The following MECOM variants were observed in gnomAD, a reference collection of about 807,000 sequenced individuals.
The protein encoded by MECOM is MDS1 and EVI1 complex locus.
A neutral mutation model predicts 116.3 loss-of-function variants in MECOM; 13 were observed. That is an observed-to-expected ratio of 0.11 (90% CI 0.07 to 0.18). The LOEUF (loss-of-function observed/expected upper bound fraction) is 0.18, where lower values mean the gene tolerates loss of function less well. Among genes scored for constraint, MECOM ranks in the 10% least tolerant of loss-of-function variants. MECOM has a pLI of 1.00. For missense variants in MECOM, 1,299 were observed against 1,509.0 expected, an observed-to-expected ratio of 0.86 and a Z score of 2.31; for synonymous variants, 528 against 535.2, an observed-to-expected ratio of 0.99 and a Z score of 0.19.
In MECOM at chr3:169,092,072, T is replaced by G. The variant is rs146190489; in HGVS notation, c.3164+886A>C. Among the ~76,000 whole-genome samples, 686 of 152,166 alleles carry G rather than the reference T, an allele frequency of 4.5e-3. 9 individuals are homozygous for G. Among genetic ancestry groups the G allele is most frequent in the African/African-American group, 0.016 (665 of 41,530 alleles). On this transcript the variant is annotated intron_variant, in intron 14 of 16. Transcript: ENST00000651503. ...AGATAAGAAAAATTAAATCCAGTAG[T>G]TTTGGTGAAATAGTGTTTCATTAAC...
chr3:169,374,329 A>G (rs1438687090), intron 2 of MECOM, among the ~76,000 whole-genome samples: 1 of 151,870 alleles, frequency 6.6e-6, no homozygotes, highest in Non-Finnish European at 1.5e-5. Flanking sequence ...ATAAATTTCT[A>G]TTGTTTAAGC....
At chr3:169,201,549 G>A (rs1314997169) in intron 2 of MECOM, among the ~76,000 whole-genome samples, 1 of 152,166 alleles carries the variant, frequency 6.6e-6, no homozygotes, top group Middle Eastern at 3.4e-3. Context: ...AAGGAAGAGG[G>A]TTCCAATCAA....
At chr3:169,564,671 G>C (rs1209176596) in intron 1 of MECOM, among the ~76,000 whole-genome samples, 2 of 152,176 alleles carry the variant, frequency 1.3e-5, no homozygotes, top group Non-Finnish European at 2.9e-5. Flanking sequence ...CAAGTTTCCT[G>C]TTTGAAATAT....
At position 169,116,735 on chromosome 3, in the gene MECOM, C is replaced by T. The variant is rs768096818; in HGVS notation, c.1137G>A (p.Glu379=). Residue 379 remains glutamate (E), a synonymous_variant, in exon 8 of 17, where the codon GAG becomes GAA. Transcript: ENST00000651503. ...ACTGAGTATAGGATTTATGGCAGAC[C>T]TCACCTGTGTGCAAACAACAAAAAA... ...IHSSVKPFIC[E]VCHKSYTQFS... The T allele has an allele frequency of 1.8e-5, 28 of 1,587,998 alleles. No individual in the cohort carries two copies. In the South Asian group the frequency reaches 3.1e-4, roughly 18 times the overall value.
At chr3:169,481,597 T>C (rs1751293435) in intron 1 of MECOM, among the ~76,000 whole-genome samples, 2 of 151,886 alleles carry the variant, frequency 1.3e-5, no homozygotes, top group Admixed American at 1.3e-4. Context: ...AACTAAAAAC[T>C]TTTCACAGTG....
At chr3:169,188,977 T>G (rs1460918520) in intron 2 of MECOM, among the ~76,000 whole-genome samples, 1 of 152,118 alleles carries the variant, frequency 6.6e-6, no homozygotes, top group African/African-American at 2.4e-5. Flanking sequence ...TATGTCACAT[T>G]TATATTTGCA....
chr3:169,108,432 TTTTTATTAG>T (rs1726178279), intron 9 of MECOM, among the ~76,000 whole-genome samples: 1 of 152,168 alleles, frequency 6.6e-6, no homozygotes, highest in African/African-American at 2.4e-5. Context: ...CACTACTTGA[TTTTTATTAG>T]CATAGGACTC....
chr3:169,482,115 A>C (rs879751446), intron 1 of MECOM, among the ~76,000 whole-genome samples: 1 of 152,116 alleles, frequency 6.6e-6, no homozygotes, highest in African/African-American at 2.4e-5. Flanking sequence ...CTGTGAAATA[A>C]CAGTTTCTTT....
At chr3:169,353,944 CAA>C (rs924546683) in intron 2 of MECOM, among the ~76,000 whole-genome samples, 4 of 151,916 alleles carry the variant, frequency 2.6e-5, no homozygotes, top group Non-Finnish European at 5.9e-5. Flanking sequence ...AGGCAAGTCT[CAA>C]GTTTCTTAAG....
chr3:169,211,883 A>T (rs1317416169), intron 2 of MECOM, among the ~76,000 whole-genome samples: 1 of 152,074 alleles, frequency 6.6e-6, no homozygotes, highest in Non-Finnish European at 1.5e-5. Flanking sequence ...TAGTTTCCTT[A>T]GTACGGAACT....
intron 5 of MECOM, among the ~76,000 whole-genome samples, chr3:169,124,845 T>C (rs767317935): frequency 1.4e-4 from 21 of 152,120 alleles, no homozygotes; most frequent in Non-Finnish European, 2.2e-4. Context: ...GAAAGCATTC[T>C]TTTATTTTCT....
intron 1 of MECOM, among the ~76,000 whole-genome samples, chr3:169,470,453 C>G (rs1186594035): frequency 2.0e-5 from 3 of 152,170 alleles, no homozygotes; most frequent in African/African-American, 7.2e-5. Context: ...CAACCAGATA[C>G]AAATTTATTC....
intron 1 of MECOM, among the ~76,000 whole-genome samples, chr3:169,383,981 T>A (rs1398711998): frequency 6.6e-6 from 1 of 152,198 alleles, no homozygotes; most frequent in Non-Finnish European, 1.5e-5. Flanking sequence ...CCGTCCCATT[T>A]AACACTAGTA....
rs1718820294 is a variant in MECOM, at chr3:169,089,130, T to G, written c.3455A>C (p.His1152Pro). The change falls in exon 16 of 17, where the codon CAC becomes CCC. Residue 1152 changes from histidine (H) to proline (P), a missense_variant. His to Pro is a moderately conservative substitution (Grantham distance 77, BLOSUM62 -2). Around this residue, in one of 6 missense-constraint regions of MECOM, gnomAD observed 273 missense variants for 289.3 expected, o/e 0.94. Coordinates refer to ENST00000651503, the MANE Select transcript of MECOM (RefSeq NM_004991.4). ...SGLSALDHIRHFTDSLKMRKM... is the reference protein window; with the variant it reads ...SGLSALDHIRPFTDSLKMRKM... ...CCTCATTTTGAGGCTATCTGTGAAG[T>G]GCCTTATATGATCTAGAGCAGAAAG... 1 of 1,602,108 alleles carries G rather than the reference T, an allele frequency of 6.2e-7. No individual in the cohort carries two copies. Among genetic ancestry groups the G allele is most frequent in the African/African-American group, 1.3e-5 (1 of 74,274 alleles).
intron 2 of MECOM, among the ~76,000 whole-genome samples, chr3:169,178,187 C>T (rs1408242028): frequency 6.6e-6 from 1 of 152,070 alleles, no homozygotes; most frequent in Non-Finnish European, 1.5e-5. Flanking sequence ...TGAAAGCCTG[C>T]AAGCAAGTTT....
chr3:169,407,041 G>T (rs1299753799), intron 1 of MECOM, among the ~76,000 whole-genome samples: 1 of 151,584 alleles, frequency 6.6e-6, no homozygotes, highest in Admixed American at 6.6e-5. Flanking sequence ...TGGAGACAGG[G>T]TTTCACCATC....
intron 1 of MECOM, among the ~76,000 whole-genome samples, chr3:169,480,570 T>C (rs185724653): frequency 9.5e-4 from 144 of 152,322 alleles, no homozygotes; most frequent in Admixed American, 8.8e-3. Flanking sequence ...AGTTGGCCTT[T>C]TATATCACCA....
Position 169,663,471 on chromosome 3 carries a change from C to CCTCTCT in MECOM, c.-100_-99insAGAGAG, listed in dbSNP as rs1776591049. 1.8e-5 allele frequency: 19 copies of CCTCTCT among 1,034,196 alleles called. No homozygotes were observed. The highest frequency in any genetic ancestry group is 2.8e-5 in the South Asian group (2 of 70,542). 64.1% of individuals were successfully genotyped at this position (1,034,196 alleles called of 1,614,324 possible). A position where few individuals can be genotyped will look rare whatever the true frequency, so the allele number is the denominator to read the frequency against. On this transcript the variant is annotated 5_prime_UTR_variant, in exon 1 of 17. Coordinates refer to ENST00000651503, the MANE Select transcript of MECOM (RefSeq NM_004991.4). Reference sequence around the variant, plus strand: ...TCCCTCTCGCTCCCTCCCTCTCTCTCCTGTCTCTCTCTCTCTCTCTCTCTC... The same window carrying CCTCTCT: ...TCCCTCTCGCTCCCTCCCTCTCTCTCCTCTCTCTGTCTCTCTCTCTCTCTCTCTCTC...
At chr3:169,279,413 T>C (rs938317724) in intron 2 of MECOM, among the ~76,000 whole-genome samples, 2 of 152,128 alleles carry the variant, frequency 1.3e-5, no homozygotes, top group East Asian at 1.9e-4. Context: ...TGTTACGTAG[T>C]TGTTCAGTGG....
Sources: allele counts gnomAD v4.1 joint callset (sites outside exome capture counted in the v4.1 genomes callset), GRCh38; gene constraint gnomAD v4.1.1; regional missense constraint gnomAD v4.1.1; transcripts MANE v1.5; gene names NCBI Gene and HGNC (gene_info 2026-07-23, HGNC 2026-07-21).